The following SETD7 variants were observed in gnomAD, a reference collection of about 807,000 sequenced individuals.
SETD7 encodes histone-lysine N-methyltransferase SETD7.
In SETD7, 16 loss-of-function variants were observed where a neutral mutation model predicts 41.8. The ratio of observed to expected loss-of-function variants is 0.38; its 90% CI spans 0.26 to 0.58. The LOEUF (loss-of-function observed/expected upper bound fraction) is 0.58. Ranked by LOEUF, SETD7 falls within the 20% of genes least tolerant of loss-of-function variation. SETD7 has a pLI of 0.64. For synonymous variants in SETD7, 163 were observed against 169.7 expected, an observed-to-expected ratio of 0.96 and a Z score of 0.31; for missense variants, 346 against 459.7, an observed-to-expected ratio of 0.75 and a Z score of 2.26.
chr4:139,546,851 G>T (rs148352229), intron 2 of SETD7, 69 bp downstream of exon 2: 1 of 1,594,494 alleles, frequency 6.3e-7, no homozygotes, highest in Non-Finnish European at 8.6e-7. Context: ...GAATTCTTTC[G>T]TTTGTATTAG....
chr4:139,516,149 G>T (rs1705066578), intron 7 of SETD7, among the ~76,000 whole-genome samples: 1 of 152,082 alleles, frequency 6.6e-6, no homozygotes, highest in South Asian at 2.1e-4. Flanking sequence ...ATATTTCAGG[G>T]AAACCCATTT....
At position 139,529,191 on chromosome 4, in the gene SETD7, A is replaced by G. The variant is rs1387451025; in HGVS notation, c.402T>C (p.Asn134=). ...PDGGSLVGEV[N]EDGEMTGEKI... Reference sequence around the variant, plus strand: ...TCTCTCCAGTCATCTCCCCATCTTCATTTACTTCTCCTACAAGGCTTCCTC... The same window carrying G: ...TCTCTCCAGTCATCTCCCCATCTTCGTTTACTTCTCCTACAAGGCTTCCTC... Residue 134 remains asparagine, a synonymous_variant, in exon 4 of 8, where the codon AAT becomes AAC. Coordinates refer to ENST00000274031, the MANE Select transcript of SETD7 (RefSeq NM_030648.4). 2.5e-6 allele frequency: 4 copies of G among 1,613,200 alleles called. No homozygotes were observed. The African/African-American group carries it at 4.0e-5, about 16-fold the overall frequency.
chr4:139,553,667 C>G (rs1423420795), intron 1 of SETD7, among the ~76,000 whole-genome samples: 1 of 152,112 alleles, frequency 6.6e-6, no homozygotes, highest in African/African-American at 2.4e-5. Context: ...CTGAATAAGA[C>G]TGAATGGATA....
At chr4:139,553,931 G>C (rs970033183) in intron 1 of SETD7, among the ~76,000 whole-genome samples, 5 of 152,180 alleles carry the variant, frequency 3.3e-5, no homozygotes, top group African/African-American at 1.2e-4. Flanking sequence ...GCACTAAAAA[G>C]GCCAAGAATG....
At chr4:139,532,321 C>T (rs1300687005) in intron 3 of SETD7, among the ~76,000 whole-genome samples, 1 of 152,100 alleles carries the variant, frequency 6.6e-6, no homozygotes, top group Non-Finnish European at 1.5e-5. Flanking sequence ...GGCCTGTAAT[C>T]CCAGCTACTA....
intron 1 of SETD7, among the ~76,000 whole-genome samples, chr4:139,549,657 G>A (rs1001393299): frequency 1.3e-5 from 2 of 151,830 alleles, no homozygotes; most frequent in African/African-American, 4.8e-5. Flanking sequence ...TCAGGCTGGA[G>A]TGCAGTGATG....
Position 139,523,337 on chromosome 4 carries a change from C to A in SETD7, c.644+17G>T. ...CTCACATAAACAGTGCAATTAAAAC[C>A]CCAAGGAGGAAATTACCTTTCTGAT... is the stretch of plus-strand genomic sequence containing the variant. On this transcript the variant is annotated intron_variant, in intron 5 of 7. Transcript: ENST00000274031. The A allele has an allele frequency of 6.3e-7, 1 of 1,586,042 alleles. No homozygotes were observed.
intron 4 of SETD7, among the ~76,000 whole-genome samples, chr4:139,524,806 A>T (rs1727279467): frequency 6.6e-6 from 1 of 152,126 alleles, no homozygotes; most frequent in South Asian, 2.1e-4. Context: ...AAAAGCATTT[A>T]AACCACCCTC....
chr4:139,540,638 G>C (rs1727755397), intron 2 of SETD7, among the ~76,000 whole-genome samples: 1 of 152,156 alleles, frequency 6.6e-6, no homozygotes, highest in Non-Finnish European at 1.5e-5. Flanking sequence ...AAGACCACGT[G>C]TCCAGTGTTG....
chr4:139,535,050 T>C (rs909505818), intron 2 of SETD7, among the ~76,000 whole-genome samples: 2 of 152,166 alleles, frequency 1.3e-5, no homozygotes, highest in African/African-American at 4.8e-5. Context: ...CACTTTAGCA[T>C]AGCTCTTGCA....
At chr4:139,539,154 G>A (rs190301578) in intron 2 of SETD7, among the ~76,000 whole-genome samples, 50 of 152,058 alleles carry the variant, frequency 3.3e-4, no homozygotes, top group Non-Finnish European at 6.0e-4. Flanking sequence ...TGGACCTTCC[G>A]CCTCCTGGGG....
At chr4:139,536,664 A>C (rs1727646114) in intron 2 of SETD7, among the ~76,000 whole-genome samples, 1 of 151,974 alleles carries the variant, frequency 6.6e-6, no homozygotes, top group Non-Finnish European at 1.5e-5. Flanking sequence ...GTGAGCTGAA[A>C]TTGTGCCACT....
chr4:139,534,908 A>T (rs1727594566), intron 2 of SETD7, among the ~76,000 whole-genome samples: 2 of 152,236 alleles, frequency 1.3e-5, no homozygotes. Context: ...CAGATTCTAA[A>T]TAATGATAGC....
chr4:139,529,644 C>T (rs887080688), intron 3 of SETD7, among the ~76,000 whole-genome samples: 3 of 152,218 alleles, frequency 2.0e-5, no homozygotes, highest in African/African-American at 7.2e-5. Context: ...TAGCAAGACA[C>T]TCCTACCCAC....
At position 139,517,804 on chromosome 4, in the gene SETD7, A is replaced by G. The variant is rs534414419; in HGVS notation, c.920+81T>C. On this transcript the variant is annotated intron_variant, in intron 7 of 7. Transcript: ENST00000274031. ...AGATGAAGCAGCCTTTATCTGAGGCAGAATAACACTTTTTACTGCCCTCCT... is the reference window on the plus strand; with the variant it reads ...AGATGAAGCAGCCTTTATCTGAGGCGGAATAACACTTTTTACTGCCCTCCT... 3 of 1,433,016 alleles carry G rather than the reference A, an allele frequency of 2.1e-6. No homozygotes were observed. In the East Asian group the frequency reaches 7.2e-5, roughly 35 times the overall value. 88.8% of individuals were successfully genotyped at this position (1,433,016 alleles called of 1,614,324 possible). A position where few individuals can be genotyped will look rare whatever the true frequency, so the allele number is the denominator to read the frequency against.
intron 1 of SETD7, 21 bp downstream of exon 1, chr4:139,556,077 G>C: frequency 6.3e-7 from 1 of 1,586,208 alleles, no homozygotes; most frequent in Non-Finnish European, 8.6e-7. Context: ...TCCTCCCCCG[G>C]CCCCGGAGAA....
chr4:139,505,142 G>T (rs1321379576), downstream of SETD7, among the ~76,000 whole-genome samples: 2 of 152,150 alleles, frequency 1.3e-5, no homozygotes, highest in African/African-American at 4.8e-5. Flanking sequence ...TAAAGCAGGA[G>T]ATCTCATGGC....
chr4:139,503,363 G>A (rs1460342329), downstream of SETD7, among the ~76,000 whole-genome samples: 2 of 151,818 alleles, frequency 1.3e-5, no homozygotes, highest in African/African-American at 2.4e-5. Context: ...GGGCAGGAGA[G>A]AGAGCTCCCA....
intron 2 of SETD7, among the ~76,000 whole-genome samples, chr4:139,535,581 T>C (rs1727616059): frequency 6.6e-6 from 1 of 152,166 alleles, no homozygotes; most frequent in South Asian, 2.1e-4. Context: ...TTGCAGACAT[T>C]TCCCCCAACT....
Sources: gnomAD v4.1 joint callset for allele counts (sites outside exome capture counted in the v4.1 genomes callset) on GRCh38, gnomAD v4.1.1 for gene constraint, MANE v1.5 for transcripts, NCBI Gene and HGNC (gene_info 2026-07-23, HGNC 2026-07-21) for gene names.